The following PLCZ1 variants were observed in gnomAD, a reference collection of about 807,000 sequenced individuals.
PLCZ1 encodes the protein 1-phosphatidylinositol 4,5-bisphosphate phosphodiesterase zeta-1.
PLCZ1 carries 64 observed loss-of-function variants against 76.8 expected under a neutral mutation model. That is an observed-to-expected ratio of 0.83 (90% confidence interval 0.68 to 1.03). PLCZ1 has a LOEUF of 1.03. PLCZ1 is among the 50% of genes least tolerant of loss of function. The pLI is 0.00. For missense variants in PLCZ1, 751 were observed against 713.7 expected (o/e 1.05, Z -0.60); for synonymous variants, 248 against 230.8 (o/e 1.07, Z -0.68).
At chr12:18,682,672 C>T (rs1565639958), downstream of PLCZ1, among the ~76,000 whole-genome samples, 1 of 151,964 alleles carries the variant, frequency 6.6e-6, no homozygotes, top group Non-Finnish European at 1.5e-5. Context: ...ATACAGTTTG[C>T]AGGCAAATCA....
At chr12:18,659,317 T>C in the PLCZ1 span, among the ~76,000 whole-genome samples, 4 of 152,192 alleles carry the variant, frequency 2.6e-5, no homozygotes, top group African/African-American at 4.8e-5. Context: ...AAAACAAAAG[T>C]AGTCAGACAA....
At chr12:18,699,683 T>C in intron 10 of PLCZ1, 111 bp downstream of exon 10, 2 of 1,193,216 alleles carry the variant, frequency 1.7e-6, no homozygotes, top group Non-Finnish European at 2.5e-6. Context: ...TTAAATGTGT[T>C]GAAATTTTAT....
chr12:18,719,401 A>G lies in PLCZ1; in HGVS notation c.569+30T>C, dbSNP rs1958306230. 2.3e-6 allele frequency: 3 copies of G among 1,283,634 alleles called. No homozygotes were observed. In the South Asian group the frequency reaches 6.0e-5, roughly 25 times the overall value. 79.5% of individuals were successfully genotyped at this position (1,283,634 alleles called of 1,614,324 possible). A position where few individuals can be genotyped will look rare whatever the true frequency, so the allele number is the denominator to read the frequency against. On this transcript the variant is annotated intron_variant, in intron 5 of 14. Coordinates refer to ENST00000266505, the MANE Select transcript of PLCZ1 (RefSeq NM_033123.4). Reference sequence around the variant, plus strand: ...GCCAGGAACTTCCAAGTATTTTTAAATGTAATAGATTTAAAAATAAAATAA... The same window carrying G: ...GCCAGGAACTTCCAAGTATTTTTAAGTGTAATAGATTTAAAAATAAAATAA...
At chr12:18,729,651 G>A (rs1958937581) in intron 3 of PLCZ1, among the ~76,000 whole-genome samples, 1 of 151,962 alleles carries the variant, frequency 6.6e-6, no homozygotes, top group Non-Finnish European at 1.5e-5. Flanking sequence ...CTCATACTGT[G>A]TATTGAAATA....
chr12:18,698,435 G>T (rs1955426502), intron 10 of PLCZ1, among the ~76,000 whole-genome samples: 1 of 151,964 alleles, frequency 6.6e-6, no homozygotes, highest in African/African-American at 2.4e-5. Flanking sequence ...AAAAATCCAG[G>T]ATCTCTCTAA....
chr12:18,712,264 T>C (rs1481751585), intron 6 of PLCZ1, among the ~76,000 whole-genome samples: 2 of 152,136 alleles, frequency 1.3e-5, no homozygotes, highest in African/African-American at 4.8e-5. Context: ...TAGAACTCCT[T>C]AACATTGAGG....
At chr12:18,733,655 T>C (rs2150762829) in intron 3 of PLCZ1, among the ~76,000 whole-genome samples, 1 of 152,296 alleles carries the variant, frequency 6.6e-6, no homozygotes, top group Middle Eastern at 3.4e-3. Context: ...TGGGGTAAGG[T>C]TAGAGTCCAA....
the PLCZ1 span, among the ~76,000 whole-genome samples, chr12:18,650,806 T>C: frequency 7.0e-6 from 1 of 143,136 alleles, no homozygotes; most frequent in Non-Finnish European, 1.5e-5. Flanking sequence ...ACCTTCAGAA[T>C]ATTTCCCAAA....
At chr12:18,650,735 T>G in the PLCZ1 span, among the ~76,000 whole-genome samples, 2 of 30,882 alleles carry the variant, frequency 6.5e-5, no homozygotes, top group African/African-American at 2.4e-4. Flanking sequence ...TATATATATA[T>G]ATATATATAT....
chr12:18,712,746 A>G lies in PLCZ1; in HGVS notation c.714+96T>C, dbSNP rs942973827. The stretch of plus-strand genomic sequence containing the variant: ...ATCATAACCCACAATTTGAAATATC[A>G]TCTAAAGTAAGGCTAAGCATTATAG... On this transcript the variant is annotated intron_variant, in intron 6 of 14. Transcript: ENST00000266505. 4.2e-6 allele frequency: 6 copies of G among 1,427,812 alleles called. No homozygotes were observed. In the African/African-American group the frequency reaches 4.2e-5, roughly 10 times the overall value. The allele number at this position is 1,427,812 out of a possible 1,614,324, so 88.4% of individuals were successfully genotyped here.
the PLCZ1 span, among the ~76,000 whole-genome samples, chr12:18,669,357 T>A: frequency 6.6e-6 from 1 of 152,198 alleles, no homozygotes; most frequent in Non-Finnish European, 1.5e-5. Context: ...CAGTAAACAT[T>A]ATTTCATTTA....
At chr12:18,698,285 C>G (rs1955398224) in intron 10 of PLCZ1, among the ~76,000 whole-genome samples, 3 of 151,884 alleles carry the variant, frequency 2.0e-5, no homozygotes, top group Admixed American at 2.0e-4. Context: ...CTATTCTATT[C>G]TACTCCATTC....
At position 18,692,997 on chromosome 12, in the gene PLCZ1, A is replaced by C. The variant is rs754698075; in HGVS notation, c.1461+1913T>G. ...AGAGAGAATTAAAGACTATCTTCTC[A>C]TGGAGGAAGAATTCATTAGAAATCA... On this transcript the variant is annotated intron_variant, in intron 12 of 14. Coordinates refer to ENST00000266505, the MANE Select transcript of PLCZ1 (RefSeq NM_033123.4). The C allele has an allele frequency of 2.1e-6, 3 of 1,405,190 alleles. No homozygotes were observed. In the South Asian group the frequency reaches 3.5e-5, roughly 16 times the overall value. The allele number at this position is 1,405,190 out of a possible 1,614,324, so 87.0% of individuals were successfully genotyped here.
At chr12:18,663,938 G>T in the PLCZ1 span, among the ~76,000 whole-genome samples, 1 of 152,098 alleles carries the variant, frequency 6.6e-6, no homozygotes, top group Non-Finnish European at 1.5e-5. Context: ...ATAGGCTATG[G>T]ACTTGAATAG....
chr12:18,648,059 A>T, the PLCZ1 span: 13 of 1,414,202 alleles, frequency 9.2e-6, no homozygotes, highest in East Asian at 5.0e-5. Flanking sequence ...ATTATTCATT[A>T]ACTACTTGTA....
chr12:18,711,300 C>T (rs1293999221), intron 6 of PLCZ1, among the ~76,000 whole-genome samples: 3 of 143,846 alleles, frequency 2.1e-5, no homozygotes, highest in East Asian at 2.1e-4. Context: ...AACCAAACAC[C>T]GCATGTTCTC....
At chr12:18,681,303 G>A (rs2137020390), downstream of PLCZ1, among the ~76,000 whole-genome samples, 1 of 152,124 alleles carries the variant, frequency 6.6e-6, no homozygotes, top group Admixed American at 6.6e-5. Flanking sequence ...CTGAGGAACT[G>A]ACTTTTAAAC....
intron 3 of PLCZ1, among the ~76,000 whole-genome samples, chr12:18,734,147 T>C (rs1959174367): frequency 6.6e-6 from 1 of 152,198 alleles, no homozygotes; most frequent in Non-Finnish European, 1.5e-5. Context: ...TTTACAGTTT[T>C]GGTGTGCCAG....
intron 14 of PLCZ1, 193 bp from the exon 15 acceptor site, chr12:18,683,517 G>T (rs1165540185): frequency 6.6e-7 from 1 of 1,506,700 alleles, no homozygotes; most frequent in South Asian, 1.2e-5. Context: ...CTTCCTAACT[G>T]CCCAAAACTG....
Sources: gnomAD v4.1 joint callset for allele counts (sites outside exome capture counted in the v4.1 genomes callset) on GRCh38, gnomAD v4.1.1 for gene constraint, MANE v1.5 for transcripts, NCBI Gene and HGNC (gene_info 2026-07-23, HGNC 2026-07-21) for gene names.